The following CELF4 variants were observed in gnomAD, a reference collection of about 807,000 sequenced individuals.
The protein encoded by CELF4 is CUG-BP- and ETR-3-like factor 4.
A neutral mutation model predicts 59.9 loss-of-function variants in CELF4; 18 were observed. The observed-to-expected ratio is 0.30, with a 90% CI of 0.21 to 0.45. The LOEUF is 0.45. Ranked by LOEUF, CELF4 falls within the 20% of genes least tolerant of loss-of-function variation. The pLI, the probability that CELF4 is intolerant of heterozygous loss-of-function variation, is 1.00. For missense variants in CELF4, 456 were observed against 689.0 expected (o/e 0.66, Z 3.79); for synonymous variants, 261 against 267.1 (o/e 0.98, Z 0.22).
At chr18:37,453,950 C>A (rs2099771181) in intron 2 of CELF4, among the ~76,000 whole-genome samples, 2 of 152,116 alleles carry the variant, frequency 1.3e-5, no homozygotes, top group Admixed American at 1.3e-4. Flanking sequence ...CCACCCCCGT[C>A]CTGTTTGATC....
intron 2 of CELF4, among the ~76,000 whole-genome samples, chr18:37,403,397 C>A (rs746294087): frequency 2.6e-5 from 4 of 152,142 alleles, no homozygotes; most frequent in Non-Finnish European, 4.4e-5. Context: ...CAAGGAGTCA[C>A]CCTCCATGGA....
At chr18:37,437,862 C>T (rs1002880107) in intron 2 of CELF4, among the ~76,000 whole-genome samples, 2 of 152,186 alleles carry the variant, frequency 1.3e-5, no homozygotes, top group Non-Finnish European at 1.5e-5. Flanking sequence ...CCCCTGCCAC[C>T]CAAATTCTTA....
At chr18:37,353,231 A>ATATATAT (rs1181537087) in intron 2 of CELF4, among the ~76,000 whole-genome samples, 12 of 64,186 alleles carry the variant, frequency 1.9e-4, no homozygotes, top group African/African-American at 3.0e-4. Flanking sequence ...AAAAAAAAAA[A>ATATATAT]AAATATATAT....
chr18:37,554,620 TGAC>T (rs1476037411), intron 1 of CELF4, among the ~76,000 whole-genome samples: 3 of 152,306 alleles, frequency 2.0e-5, no homozygotes, highest in Non-Finnish European at 4.4e-5. Flanking sequence ...TCAGTTGCCT[TGAC>T]GACTCTGGAA....
At chr18:37,489,473 C>A (rs549055668) in intron 1 of CELF4, among the ~76,000 whole-genome samples, 1 of 151,998 alleles carries the variant, frequency 6.6e-6, no homozygotes, top group African/African-American at 2.4e-5. Flanking sequence ...ACTGCTCTCT[C>A]CTAGGGAGGG....
intron 1 of CELF4, among the ~76,000 whole-genome samples, chr18:37,494,519 A>G (rs1791488): frequency 0.33 from 50,890 of 152,150 alleles, 9,625 homozygotes; most frequent in Middle Eastern, 0.44. Context: ...CCAGGAGAGC[A>G]TGAGGGTGCT....
At chr18:37,303,415 G>C (rs569357824) in intron 3 of CELF4, among the ~76,000 whole-genome samples, 1 of 152,306 alleles carries the variant, frequency 6.6e-6, no homozygotes, top group Admixed American at 6.5e-5. Flanking sequence ...TCAGTGAAGG[G>C]TTTAAAGACA....
At chr18:37,459,175 C>T (rs892097028) in intron 2 of CELF4, among the ~76,000 whole-genome samples, 1 of 152,196 alleles carries the variant, frequency 6.6e-6, no homozygotes, top group African/African-American at 2.4e-5. Context: ...TGGGGCCATA[C>T]CACAGGGTTT....
intron 2 of CELF4, among the ~76,000 whole-genome samples, chr18:37,417,371 T>G (rs115837256): frequency 0.018 from 2,685 of 152,324 alleles, 75 homozygotes; most frequent in African/African-American, 0.06. Flanking sequence ...GACAGAGCAC[T>G]GGGCTTCCCC....
At chr18:37,516,818 C>G (rs1435051379) in intron 1 of CELF4, among the ~76,000 whole-genome samples, 1 of 152,172 alleles carries the variant, frequency 6.6e-6, no homozygotes, top group Non-Finnish European at 1.5e-5. Context: ...GGCGCTGGCT[C>G]CCAACAACTG....
chr18:37,421,514 T>A (rs2099577920), intron 2 of CELF4, among the ~76,000 whole-genome samples: 1 of 151,922 alleles, frequency 6.6e-6, no homozygotes, highest in Admixed American at 6.6e-5. Context: ...CCCAGCCTCC[T>A]GCCCTGATTA....
chr18:37,528,240 A>G (rs1424406878), intron 1 of CELF4, among the ~76,000 whole-genome samples: 1 of 152,230 alleles, frequency 6.6e-6, no homozygotes, highest in African/African-American at 2.4e-5. Flanking sequence ...GGGAGCTTAA[A>G]TTGGTGCAGT....
At chr18:37,354,336 C>T (rs1205468104) in intron 2 of CELF4, among the ~76,000 whole-genome samples, 1 of 152,066 alleles carries the variant, frequency 6.6e-6, no homozygotes, top group Non-Finnish European at 1.5e-5. Flanking sequence ...GCTGTCAGAC[C>T]TCCAAGTTCA....
intron 3 of CELF4, among the ~76,000 whole-genome samples, chr18:37,281,660 C>A (rs1475318868): frequency 6.6e-6 from 1 of 152,122 alleles, no homozygotes; most frequent in Non-Finnish European, 1.5e-5. Flanking sequence ...GATGACAGAG[C>A]TGGAGGCCTC....
chr18:37,314,740 A>C (rs1318024401), intron 3 of CELF4, among the ~76,000 whole-genome samples: 1 of 151,974 alleles, frequency 6.6e-6, no homozygotes, highest in African/African-American at 2.4e-5. Flanking sequence ...GGGGGGAACA[A>C]CAGGACATTC....
chr18:37,362,478 G>A (rs1316822448), intron 2 of CELF4, among the ~76,000 whole-genome samples: 1 of 152,136 alleles, frequency 6.6e-6, no homozygotes, highest in Non-Finnish European at 1.5e-5. Context: ...GGACAAAGCG[G>A]GACGAGGACA....
At chr18:37,504,937 G>A (rs1302386490) in intron 1 of CELF4, among the ~76,000 whole-genome samples, 4 of 152,248 alleles carry the variant, frequency 2.6e-5, no homozygotes, top group Non-Finnish European at 4.4e-5. Context: ...GAGGGCCAGT[G>A]AGGATGGTGA....
At chr18:37,252,858 G>GGCAGGGAGGGGCGGTCAGAGGGCA (rs2066407285) in intron 12 of CELF4, among the ~76,000 whole-genome samples, 2 of 151,922 alleles carry the variant, frequency 1.3e-5, no homozygotes, top group Admixed American at 6.6e-5. Context: ...GAGGAACATG[G>GGCAGGGAGGGGCGGTCAGAGGGCA]GCAGGGAGGG....
At chr18:37,544,741 G>A (rs149939623) in intron 1 of CELF4, among the ~76,000 whole-genome samples, 25 of 152,308 alleles carry the variant, frequency 1.6e-4, no homozygotes, top group African/African-American at 5.1e-4. Context: ...CTAAGGAATC[G>A]GTTTTATGGC....
Sources: gnomAD v4.1 joint callset for allele counts (sites outside exome capture counted in the v4.1 genomes callset) on GRCh38, gnomAD v4.1.1 for gene constraint, MANE v1.5 for transcripts, NCBI Gene and HGNC (gene_info 2026-07-23, HGNC 2026-07-21) for gene names.